Variants in ROS1 observed in about 807,000 individuals in gnomAD.
ROS1 encodes ROS proto-oncogene 1, receptor tyrosine kinase.
In ROS1, 263 loss-of-function variants were observed where a neutral mutation model predicts 273.5. The ratio of observed to expected loss-of-function variants is 0.96; its 90% CI spans 0.87 to 1.06. The LOEUF (loss-of-function observed/expected upper bound fraction) is 1.06. ROS1 is among the 50% of genes least tolerant of loss of function. The pLI is 0.00. For missense variants in ROS1, 2,833 were observed against 2,751.1 expected (o/e 1.03, Z -0.67); for synonymous variants, 1,008 against 954.1 (o/e 1.06, Z -1.04).
Position 117,310,195 on chromosome 6 carries a change from CTGGCGAGTCCA to C in ROS1, c.6291_6301del (p.Phe2097LeufsTer5), listed in dbSNP as rs1775430813. ...ATAGTAATCATTTTTATAGATGTCT[CTGGCGAGTCCA>C]AAGTCTCCAATCTTCACTATCCGTG... is the stretch of plus-strand genomic sequence containing the variant. On this transcript the variant is annotated frameshift_variant, in exon 41 of 44. Transcript: ENST00000368507. LOFTEE classifies it high-confidence loss of function. 6.2e-7 allele frequency: 1 copy of C among 1,613,258 alleles called. No homozygotes were observed. The highest frequency in any genetic ancestry group is 2.2e-5 in the East Asian group (1 of 44,842).
rs924733605 is a variant in ROS1 at position 117,319,749 on chromosome 6, G to A, written c.5922+119C>T. The stretch of plus-strand genomic sequence containing the variant: ...ATTTCTGTAGCTATGGATAGGCTTC[G>A]ACATTCAACCAGTCCTCTTTTCAAC... On this transcript the variant is annotated intron_variant, in intron 37 of 43. Coordinates refer to ENST00000368507, the MANE Select transcript of ROS1 (RefSeq NM_001378902.1). 4.7e-5 allele frequency: 39 copies of A among 832,534 alleles called. No individual in the cohort carries two copies. The South Asian group carries it at 5.8e-4, about 12-fold the overall frequency. 51.6% of individuals were successfully genotyped at this position (832,534 alleles called of 1,614,324 possible). A position where few individuals can be genotyped will look rare whatever the true frequency, so the allele number is the denominator to read the frequency against.
chr6:117,317,272 G>C lies in ROS1; in HGVS notation c.5988C>G (p.Ser1996Arg), dbSNP rs1775985958. ...IEFLKEAHLM[S>R]KFNHPNILKQ... ...TCAGAATGTTGGGATGATTAAATTT[G>C]CTGAAAGGTGGAAAGACACAGGCTG... is the stretch of plus-strand genomic sequence containing the variant. The change falls in exon 39 of 44, where the codon AGC becomes AGG. Residue 1996 changes from serine to arginine, a missense_variant and splice_region_variant. Transcript: ENST00000368507. The C allele has an allele frequency of 1.9e-6, 3 of 1,610,312 alleles. No homozygotes were observed. In the African/African-American group the frequency reaches 4.0e-5, roughly 22 times the overall value.
intron 22 of ROS1, among the ~76,000 whole-genome samples, chr6:117,361,602 C>T (rs1357577546): frequency 6.7e-6 from 1 of 148,680 alleles, no homozygotes; most frequent in Non-Finnish European, 1.5e-5. Flanking sequence ...TATAGACACA[C>T]TTAACCCGAA....
chr6:117,311,171 A>G, intron 39 of ROS1, 54 bp from the exon 40 acceptor site: 1 of 1,023,892 alleles, frequency 9.8e-7, no homozygotes, highest in Non-Finnish European at 1.5e-6. Flanking sequence ...CATGAAATAT[A>G]TACATATATG....
chr6:117,369,282 G>A (rs912619641), intron 18 of ROS1, among the ~76,000 whole-genome samples: 3 of 152,186 alleles, frequency 2.0e-5, no homozygotes, highest in Non-Finnish European at 4.4e-5. Context: ...AACTTGAAAT[G>A]AGGAAATACA....
At chr6:117,411,363 T>C (rs141354896) in intron 4 of ROS1, among the ~76,000 whole-genome samples, 55 of 151,676 alleles carry the variant, frequency 3.6e-4, no homozygotes, top group African/African-American at 1.3e-3. Context: ...TTATCCAGTG[T>C]TTCTCAAGCT....
intron 4 of ROS1, among the ~76,000 whole-genome samples, chr6:117,411,249 C>G (rs760188905): frequency 2.0e-5 from 3 of 149,984 alleles, no homozygotes; most frequent in African/African-American, 4.9e-5. Context: ...CTCTTTCTCT[C>G]TCTCCCTCCC....
At chr6:117,415,951 G>A (rs1775302607) in intron 3 of ROS1, among the ~76,000 whole-genome samples, 1 of 152,096 alleles carries the variant, frequency 6.6e-6, no homozygotes. Flanking sequence ...CATAGGCCTA[G>A]GAAATTTAAC....
chr6:117,353,904 C>T (rs538991302), intron 26 of ROS1, among the ~76,000 whole-genome samples: 27 of 152,116 alleles, frequency 1.8e-4, no homozygotes, highest in African/African-American at 6.5e-4. Flanking sequence ...CCTTCACTGA[C>T]AAGAACACAT....
At chr6:117,390,673 T>A (rs1042466051) in intron 12 of ROS1, among the ~76,000 whole-genome samples, 6 of 149,824 alleles carry the variant, frequency 4.0e-5, no homozygotes, top group African/African-American at 1.5e-4. Context: ...GTGGACTAAT[T>A]TTTTTTAATC....
chr6:117,354,093 G>A (rs1222609636), intron 26 of ROS1, among the ~76,000 whole-genome samples: 1 of 152,212 alleles, frequency 6.6e-6, no homozygotes, highest in Non-Finnish European at 1.5e-5. Flanking sequence ...GCTCACGCCT[G>A]TAATCCCAGC....
chr6:117,399,382 T>C (rs1020988338), intron 7 of ROS1, among the ~76,000 whole-genome samples: 2 of 152,206 alleles, frequency 1.3e-5, no homozygotes, highest in African/African-American at 4.8e-5. Flanking sequence ...GGCCAGTGTT[T>C]GGTCTGAGGC....
chr6:117,343,386 A>C (rs1018615303), intron 28 of ROS1, among the ~76,000 whole-genome samples: 2 of 152,228 alleles, frequency 1.3e-5, no homozygotes, highest in African/African-American at 4.8e-5. Context: ...CAGGCTAAAT[A>C]AAGCCAAGCA....
At chr6:117,324,215 T>C (rs1776477476) in intron 35 of ROS1, 117 bp downstream of exon 35, 2 of 633,594 alleles carry the variant, frequency 3.2e-6, no homozygotes, top group Non-Finnish European at 5.6e-6. Context: ...ATGTAAATTT[T>C]ATTAACTTAA....
At chr6:117,331,061 T>G (rs888372356) in intron 32 of ROS1, among the ~76,000 whole-genome samples, 2 of 152,164 alleles carry the variant, frequency 1.3e-5, no homozygotes, top group Non-Finnish European at 2.9e-5. Context: ...AGGAGTATGT[T>G]CTAACCCAAT....
intron 43 of ROS1, among the ~76,000 whole-genome samples, chr6:117,296,884 C>T (rs1774287605): frequency 6.6e-6 from 1 of 152,154 alleles, no homozygotes; most frequent in Non-Finnish European, 1.5e-5. Context: ...TTACACATTA[C>T]ATGCCTGTAT....
intron 7 of ROS1, among the ~76,000 whole-genome samples, chr6:117,397,499 G>A (rs1773595553): frequency 6.6e-6 from 1 of 152,094 alleles, no homozygotes; most frequent in Non-Finnish European, 1.5e-5. Context: ...AATGATCGAC[G>A]AGTTTAAAAA....
At chr6:117,355,424 C>T (rs951716233) in intron 26 of ROS1, among the ~76,000 whole-genome samples, 2 of 152,130 alleles carry the variant, frequency 1.3e-5, no homozygotes, top group South Asian at 4.1e-4. Context: ...AATTATAACA[C>T]ATACACACAT....
intron 35 of ROS1, among the ~76,000 whole-genome samples, chr6:117,322,618 A>C (rs531981994): frequency 2.6e-5 from 4 of 152,180 alleles, no homozygotes; most frequent in Non-Finnish European, 5.9e-5. Flanking sequence ...TCAGAAGCAA[A>C]GGCTGTCAAC....
Sources: allele counts gnomAD v4.1 joint callset (sites outside exome capture counted in the v4.1 genomes callset), GRCh38; gene constraint gnomAD v4.1.1; transcripts MANE v1.5; gene names NCBI Gene and HGNC (gene_info 2026-07-23, HGNC 2026-07-21).